The following OR10H4 variants were observed in gnomAD, a reference collection of about 807,000 sequenced individuals.
OR10H4 encodes olfactory receptor 10H4.
A neutral mutation model predicts 10.5 loss-of-function variants in OR10H4; 10 were observed. The ratio of observed to expected loss-of-function variants is 0.95; its 90% CI spans 0.59 to 1.62. The LOEUF is 1.62. Ranked by LOEUF, OR10H4 falls within the 40% of genes most tolerant of loss-of-function variation. The pLI is 0.00. For missense variants in OR10H4, 397 were observed against 391.5 expected, an observed-to-expected ratio of 1.01 and a Z score of -0.12; for synonymous variants, 160 against 149.4, an observed-to-expected ratio of 1.07 and a Z score of -0.52.
rs2089831664 is a variant in OR10H4 at position 15,949,281 on chromosome 19, T to C, written c.274T>C (p.Ser92Pro). The change falls in exon 1 of 1, where the codon TCC (serine) becomes CCC (proline). Residue 92 changes from serine (S) to proline (P), a missense_variant. Ser to Pro is a moderately conservative substitution (Grantham distance 74). Transcript: ENST00000322107. ...GGCTGATCTGCTTTCCACCCATCAT[T>C]CCATCACCTTTGTGGCTTGTGCCAA... ...MLADLLSTHH[S>P]ITFVACANQM... 1.2e-6 allele frequency: 2 copies of C among 1,614,232 alleles called. No homozygotes were observed. Among genetic ancestry groups the C allele is most frequent in the Non-Finnish European group, 1.7e-6 (2 of 1,180,034 alleles).
In OR10H4 at chr19:15,949,715, G is replaced by A; in HGVS notation, c.708G>A (p.Arg236=). The change falls in exon 1 of 1, where the codon CGG becomes CGA. Residue 236 remains arginine, a synonymous_variant. Transcript: ENST00000322107. ...AILRIPSAEG[R]HKTFSTCVSH... ...TGAGGATTCCCTCTGCCGAAGGCCG[G>A]CACAAGACATTTTCTACGTGTGTAT... 6.2e-7 allele frequency: 1 copy of A among 1,614,148 alleles called. No homozygotes were observed. Among genetic ancestry groups the A allele is most frequent in the Non-Finnish European group, 8.5e-7 (1 of 1,180,032 alleles).
In OR10H4 at chr19:15,949,600, T is replaced by C. The variant is rs2089833823; in HGVS notation, c.593T>C (p.Ile198Thr). 5.6e-6 allele frequency: 9 copies of C among 1,614,248 alleles called. No homozygotes were observed. Among genetic ancestry groups the C allele is most frequent in the Non-Finnish European group, 7.6e-6 (9 of 1,180,042 alleles). ...TGTGAAAACAAGACATCATCTGTCA[T>C]CATGGGTGTGATGCTGGTGTGTGTC... ...LACENKTSSV[I>T]MGVMLVCVTA... Residue 198 changes from isoleucine (I) to threonine (T), a missense_variant, in exon 1 of 1, where the codon ATC becomes ACC. Physicochemically the swap from Ile to Thr is moderately conservative, Grantham distance 89. Transcript: ENST00000322107.
In OR10H4 at chr19:15,949,257, GC is replaced by G. The variant is rs759449261; in HGVS notation, c.251del (p.Ala84ValfsTer54). ...FTVAITPRML[A>X]DLLSTHHSIT... ...TGTTGCCATCACCCCTCGCATGCTG[GC>G]TGATCTGCTTTCCACCCATCATTCC... On this transcript the variant is annotated frameshift_variant, in exon 1 of 1. Coordinates refer to ENST00000322107, the MANE Select transcript of OR10H4 (RefSeq NM_001004465.1). LOFTEE classifies it high-confidence loss of function. 3 of 1,614,194 alleles carry G rather than the reference GC, an allele frequency of 1.9e-6. No homozygotes were observed. The South Asian group carries it at 3.3e-5, about 18-fold the overall frequency.
In OR10H4 at chr19:15,949,955, C is replaced by T. The variant is rs1268704314; in HGVS notation, c.948C>T (p.Ser316=). 1 of 1,601,712 alleles carries T rather than the reference C, an allele frequency of 6.2e-7. No homozygotes were observed. Among genetic ancestry groups the T allele is most frequent in the Admixed American group, 1.7e-5 (1 of 58,346 alleles). Residue 316 remains serine (S), a synonymous_variant, in exon 1 of 1, where the codon TCC becomes TCT. Coordinates refer to ENST00000322107, the MANE Select transcript of OR10H4 (RefSeq NM_001004465.1). ...ACAGAAAATTCTGTCCTCCAAGTTC[C>T]TGAGCGCCAGTTTGGTGGTGATGAA... ...NFYRKFCPPS[S]
chr19:15,949,526 T>C lies in OR10H4; in HGVS notation c.519T>C (p.Asn173=), dbSNP rs2089833434. ...TCCACCTCACTTTCTGTGGGTCTAA[T>C]GTGATCCACCATTTTTTCTGTCATG... ...IVFHLTFCGS[N]VIHHFFCHVL... Residue 173 remains asparagine (N), a synonymous_variant, in exon 1 of 1, where the codon AAT becomes AAC. Transcript: ENST00000322107. The C allele has an allele frequency of 2.5e-6, 4 of 1,614,236 alleles. No individual in the cohort carries two copies. The East Asian group carries it at 6.7e-5, about 27-fold the overall frequency.
chr19:15,949,681 CT>C lies in OR10H4; in HGVS notation c.675del (p.Ala226ProfsTer3). On this transcript the variant is annotated frameshift_variant, in exon 1 of 1. Coordinates refer to ENST00000322107, the MANE Select transcript of OR10H4 (RefSeq NM_001004465.1). LOFTEE classifies it high-confidence loss of function. ...ATCCTCTCCTATGTCTTCATTGTGGCTGCCATCTTGAGGATTCCCTCTGCCG... is the reference window on the plus strand; with the variant it reads ...ATCCTCTCCTATGTCTTCATTGTGGCGCCATCTTGAGGATTCCCTCTGCCG... Reference protein sequence around the residue: ...LIILSYVFIVAAILRIPSAEG... With the variant: ...LIILSYVFIVXAILRIPSAEG... The C allele has an allele frequency of 6.2e-7, 1 of 1,614,204 alleles. No individual in the cohort carries two copies. The highest frequency in any genetic ancestry group is 8.5e-7 in the Non-Finnish European group (1 of 1,180,042).
At position 15,949,495 on chromosome 19, in the gene OR10H4, TAG is replaced by T; in HGVS notation, c.489_490del (p.Val164PhefsTer9). ...GTCATGGGGATGATGGTGACAACGA[TAG>T]TTTTCCACCTCACTTTCTGTGGGTC... On this transcript the variant is annotated frameshift_variant, in exon 1 of 1. Coordinates refer to ENST00000322107, the MANE Select transcript of OR10H4 (RefSeq NM_001004465.1). LOFTEE classifies it high-confidence loss of function. 1 of 1,614,200 alleles carries T rather than the reference TAG, an allele frequency of 6.2e-7. No homozygotes were observed. Among genetic ancestry groups the T allele is most frequent in the Non-Finnish European group, 8.5e-7 (1 of 1,180,034 alleles).
Position 15,949,724 on chromosome 19 carries a change from A to T in OR10H4, c.717A>T (p.Thr239=). The T allele has an allele frequency of 6.2e-7, 1 of 1,614,066 alleles. No homozygotes were observed. Among genetic ancestry groups the T allele is most frequent in the Non-Finnish European group, 8.5e-7 (1 of 1,180,000 alleles). Residue 239 remains threonine (T), a synonymous_variant, in exon 1 of 1, where the codon ACA becomes ACT. Coordinates refer to ENST00000322107, the MANE Select transcript of OR10H4 (RefSeq NM_001004465.1). ...RIPSAEGRHK[T]FSTCVSHLTV... ...CCTCTGCCGAAGGCCGGCACAAGAC[A>T]TTTTCTACGTGTGTATCCCACCTCA...
chr19:15,949,425 C>T lies in OR10H4; in HGVS notation c.418C>T (p.Arg140Cys), dbSNP rs762794061. The T allele has an allele frequency of 1.4e-5, 23 of 1,614,042 alleles. No homozygotes were observed. The Admixed American group carries it at 1.5e-4, about 11-fold the overall frequency. ...GCGTTACAATGTGCTCATGAGCCCCCGTGACTGTGCCCATCTTGTGGCCTG... is the reference window on the plus strand; with the variant it reads ...GCGTTACAATGTGCTCATGAGCCCCTGTGACTGTGCCCATCTTGTGGCCTG... The part of the protein sequence containing the change: ...PLRYNVLMSP[R>C]DCAHLVACTW... Residue 140 changes from arginine to cysteine, a missense_variant, in exon 1 of 1, where the codon CGT becomes TGT. Transcript: ENST00000322107.
At position 15,949,493 on chromosome 19, in the gene OR10H4, G is replaced by A. The variant is rs201781055; in HGVS notation, c.486G>A (p.Thr162=). The change falls in exon 1 of 1, where the codon ACG becomes ACA. Residue 162 remains threonine (T), a synonymous_variant. Transcript: ENST00000322107. ...CAGTCATGGGGATGATGGTGACAAC[G>A]ATAGTTTTCCACCTCACTTTCTGTG... ...GGSVMGMMVT[T]IVFHLTFCGS... 68 of 1,614,224 alleles carry A rather than the reference G, an allele frequency of 4.2e-5. No homozygotes were observed. Among genetic ancestry groups the A allele is most frequent in the African/African-American group, 1.9e-4 (14 of 75,058 alleles).
chr19:15,949,048 T>C lies in OR10H4; in HGVS notation c.41T>C (p.Leu14Pro). Reference protein sequence around the residue: ...QNYSIISEFNLFGFSAFPQHL... With the variant: ...QNYSIISEFNPFGFSAFPQHL... Reference sequence around the variant, plus strand: ...TATAGCATCATATCTGAATTTAACCTCTTTGGCTTCTCAGCCTTCCCCCAG... The same window carrying C: ...TATAGCATCATATCTGAATTTAACCCCTTTGGCTTCTCAGCCTTCCCCCAG... Residue 14 changes from leucine to proline, a missense_variant, in exon 1 of 1, where the codon CTC becomes CCC. Coordinates refer to ENST00000322107, the MANE Select transcript of OR10H4 (RefSeq NM_001004465.1). 1.2e-6 allele frequency: 2 copies of C among 1,613,698 alleles called. No homozygotes were observed. The highest frequency in any genetic ancestry group is 8.5e-7 in the Non-Finnish European group (1 of 1,179,702).
chr19:15,949,325 C>G lies in OR10H4; in HGVS notation c.318C>G (p.Phe106Leu), dbSNP rs1428427907. The change falls in exon 1 of 1, where the codon TTC becomes TTG. Residue 106 changes from phenylalanine to leucine, a missense_variant. By Grantham distance (22) the Phe-to-Leu change is conservative. Coordinates refer to ENST00000322107, the MANE Select transcript of OR10H4 (RefSeq NM_001004465.1). ...GTGCCAACCAGATGTTCTTCTCCTTCATGTTTGGCTTCACTCACTCCTTCC... is the reference window on the plus strand; with the variant it reads ...GTGCCAACCAGATGTTCTTCTCCTTGATGTTTGGCTTCACTCACTCCTTCC... ...VACANQMFFS[F>L]MFGFTHSFLL... 2 of 1,614,216 alleles carry G rather than the reference C, an allele frequency of 1.2e-6. No individual in the cohort carries two copies.
rs1485311924 is a variant in OR10H4 at position 15,949,178 on chromosome 19, C to A, written c.171C>A (p.His57Gln). 6.2e-7 allele frequency: 1 copy of A among 1,614,204 alleles called. No homozygotes were observed. Among genetic ancestry groups the A allele is most frequent in the Middle Eastern group, 1.6e-4 (1 of 6,062 alleles). The change falls in exon 1 of 1, where the codon CAC becomes CAA. Residue 57 changes from histidine (H) to glutamine (Q), a missense_variant. Physicochemically the swap from His to Gln is conservative, Grantham distance 24 (BLOSUM62 0). Coordinates refer to ENST00000322107, the MANE Select transcript of OR10H4 (RefSeq NM_001004465.1). ...CAATCTGGATTGAACACAGACTCCA[C>A]ACACCCATGTACCTCTTCTTGTGCA... ...MATIWIEHRLHTPMYLFLCTL... is the reference protein window; with the variant it reads ...MATIWIEHRLQTPMYLFLCTL...
Position 15,949,389 on chromosome 19 carries a change from T to C in OR10H4, c.382T>C (p.Cys128Arg). Reference protein sequence around the residue: ...VMGYDRYVAICHPLRYNVLMS... With the variant: ...VMGYDRYVAIRHPLRYNVLMS... ...GGGCTATGATCGCTATGTGGCCATC[T>C]GCCACCCACTGCGTTACAATGTGCT... is the stretch of plus-strand genomic sequence containing the variant. Residue 128 changes from cysteine to arginine, a missense_variant, in exon 1 of 1, where the codon TGC becomes CGC. Coordinates refer to ENST00000322107, the MANE Select transcript of OR10H4 (RefSeq NM_001004465.1). The C allele has an allele frequency of 6.2e-7, 1 of 1,614,258 alleles. No homozygotes were observed. Among genetic ancestry groups the C allele is most frequent in the Non-Finnish European group, 8.5e-7 (1 of 1,180,050 alleles).
In OR10H4 at chr19:15,949,707, G is replaced by A. The variant is rs140031931; in HGVS notation, c.700G>A (p.Glu234Lys). 1.6e-4 allele frequency: 259 copies of A among 1,614,124 alleles called. 1 individual carries two copies. The highest frequency in any genetic ancestry group is 3.8e-4 in the South Asian group (35 of 91,070). ...VAAILRIPSA[E>K]GRHKTFSTCV... ...TGCCATCTTGAGGATTCCCTCTGCCGAAGGCCGGCACAAGACATTTTCTAC... is the reference window on the plus strand; with the variant it reads ...TGCCATCTTGAGGATTCCCTCTGCCAAAGGCCGGCACAAGACATTTTCTAC... Residue 234 changes from glutamate (E) to lysine (K), a missense_variant, in exon 1 of 1, where the codon GAA becomes AAA. Transcript: ENST00000322107.
At position 15,949,907 on chromosome 19, in the gene OR10H4, G is replaced by A. The variant is rs1472435640; in HGVS notation, c.900G>A (p.Lys300=). ...IIFSLRNKEL[K]NAINKNFYRK... is the part of the protein sequence containing the mutation. ...TCAGCCTAAGGAACAAGGAGCTGAAGAATGCCATAAATAAAAACTTTTACA... is the reference window on the plus strand; with the variant it reads ...TCAGCCTAAGGAACAAGGAGCTGAAAAATGCCATAAATAAAAACTTTTACA... Residue 300 remains lysine, a synonymous_variant, in exon 1 of 1, where the codon AAG becomes AAA. Transcript: ENST00000322107. 1 of 1,608,936 alleles carries A rather than the reference G, an allele frequency of 6.2e-7. No homozygotes were observed. Among genetic ancestry groups the A allele is most frequent in the Non-Finnish European group, 8.5e-7 (1 of 1,178,622 alleles).
chr19:15,949,082 G>C lies in OR10H4; in HGVS notation c.75G>C (p.Leu25=), dbSNP rs142538670. 2 of 1,614,098 alleles carry C rather than the reference G, an allele frequency of 1.2e-6. No individual in the cohort carries two copies. Among genetic ancestry groups the C allele is most frequent in the South Asian group, 2.2e-5 (2 of 91,080 alleles). ...TCTCAGCCTTCCCCCAGCACCTCCT[G>C]CCCATCTTGTTCCTGCTGTACCTCC... ...FGFSAFPQHL[L]PILFLLYLLM... The change falls in exon 1 of 1, where the codon CTG becomes CTC. Residue 25 remains leucine, a synonymous_variant. Transcript: ENST00000322107.
Position 15,949,408 on chromosome 19 carries a change from A to G in OR10H4, c.401A>G (p.Asn134Ser). 1 of 1,614,110 alleles carries G rather than the reference A, an allele frequency of 6.2e-7. No homozygotes were observed. The highest frequency in any genetic ancestry group is 2.2e-5 in the East Asian group (1 of 44,878). Residue 134 changes from asparagine (N) to serine (S), a missense_variant, in exon 1 of 1, where the codon AAT (asparagine) becomes AGT (serine). Coordinates refer to ENST00000322107, the MANE Select transcript of OR10H4 (RefSeq NM_001004465.1). ...GCCATCTGCCACCCACTGCGTTACA[A>G]TGTGCTCATGAGCCCCCGTGACTGT... Reference protein sequence around the residue: ...YVAICHPLRYNVLMSPRDCAH... With the variant: ...YVAICHPLRYSVLMSPRDCAH...
In OR10H4 at chr19:15,949,346, C is replaced by T; in HGVS notation, c.339C>T (p.Ser113=). Reference sequence around the variant, plus strand: ...CCTTCATGTTTGGCTTCACTCACTCCTTCCTTCTCCTGGTCATGGGCTATG... The same window carrying T: ...CCTTCATGTTTGGCTTCACTCACTCTTTCCTTCTCCTGGTCATGGGCTATG... ...FFSFMFGFTH[S]FLLLVMGYDR... is the part of the protein sequence containing the mutation. Residue 113 remains serine (S), a synonymous_variant, in exon 1 of 1, where the codon TCC becomes TCT. Transcript: ENST00000322107. 1.9e-6 allele frequency: 3 copies of T among 1,614,224 alleles called. No individual in the cohort carries two copies. Among genetic ancestry groups the T allele is most frequent in the South Asian group, 1.1e-5 (1 of 91,084 alleles).
Sources: allele counts gnomAD v4.1 joint callset, GRCh38; gene constraint gnomAD v4.1.1; transcripts MANE v1.5; gene names NCBI Gene and HGNC (gene_info 2026-07-23, HGNC 2026-07-21).